Variants in ADAMTS12 observed in about 807,000 individuals in gnomAD.
ADAMTS12 encodes the protein ADAM metallopeptidase with thrombospondin type 1 motif 12.
ADAMTS12 carries 118 observed loss-of-function variants against 167.8 expected under a neutral mutation model. That is an observed-to-expected ratio of 0.70 (90% CI 0.61 to 0.82). ADAMTS12 has a LOEUF of 0.82. Among genes scored for constraint, ADAMTS12 ranks in the 40% least tolerant of loss-of-function variants. The pLI is 0.00. For missense variants in ADAMTS12, 1,916 were observed against 1,998.8 expected (o/e 0.96, Z 0.79); for synonymous variants, 704 against 716.9 (o/e 0.98, Z 0.29).
Position 33,600,622 on chromosome 5 carries a change from C to T in ADAMTS12, c.2528-4562G>A, listed in dbSNP as rs7705247. Among the ~76,000 whole-genome samples, 120 of 152,236 alleles carry T rather than the reference C, an allele frequency of 7.9e-4. 1 individual carries two copies. The highest frequency in any genetic ancestry group is 2.8e-3 in the African/African-American group (118 of 41,552). ...ACTTAAGACAGTGAACATTTAATTA[C>T]AGCATGTGAAAGTTTCAAGGCATTG... is the stretch of plus-strand genomic sequence containing the variant. On this transcript the variant is annotated intron_variant, in intron 16 of 23. Coordinates refer to ENST00000504830, the MANE Select transcript of ADAMTS12 (RefSeq NM_030955.4).
intron 11 of ADAMTS12, among the ~76,000 whole-genome samples, chr5:33,639,887 T>C (rs1740376472): frequency 6.6e-6 from 1 of 152,068 alleles, no homozygotes; most frequent in Non-Finnish European, 1.5e-5. Context: ...CATGAAAGAG[T>C]TTTGACCAAG....
chr5:33,684,067 A>G lies in ADAMTS12; in HGVS notation c.635-12T>C. 6.5e-7 allele frequency: 1 copy of G among 1,544,216 alleles called. No homozygotes were observed. Among genetic ancestry groups the G allele is most frequent in the Non-Finnish European group, 8.7e-7 (1 of 1,146,004 alleles). Reference sequence around the variant, plus strand: ...GATGTTAACACTGTCTAAACAGTAAACAGAAGACAATGGTCTAACACTGTA... The same window carrying G: ...GATGTTAACACTGTCTAAACAGTAAGCAGAAGACAATGGTCTAACACTGTA... On this transcript the variant is annotated splice_polypyrimidine_tract_variant and intron_variant, in intron 3 of 23. Transcript: ENST00000504830.
At chr5:33,822,046 T>C (rs1202240936) in intron 2 of ADAMTS12, among the ~76,000 whole-genome samples, 1 of 152,198 alleles carries the variant, frequency 6.6e-6, no homozygotes, top group Non-Finnish European at 1.5e-5. Context: ...TCCTCTATAA[T>C]ATTGTTTATG....
chr5:33,674,525 T>C (rs1741830186), intron 5 of ADAMTS12, among the ~76,000 whole-genome samples: 1 of 152,200 alleles, frequency 6.6e-6, no homozygotes, highest in South Asian at 2.1e-4. Flanking sequence ...ATAAAGGTGA[T>C]GGCTTCCTCT....
intron 2 of ADAMTS12, among the ~76,000 whole-genome samples, chr5:33,809,718 G>T (rs192670786): frequency 6.6e-6 from 1 of 152,152 alleles, no homozygotes; most frequent in Non-Finnish European, 1.5e-5. Context: ...GGGTTCTAGG[G>T]CAAAAAGAAA....
intron 19 of ADAMTS12, among the ~76,000 whole-genome samples, chr5:33,572,416 C>T (rs913220711): frequency 5.9e-5 from 9 of 151,888 alleles, no homozygotes; most frequent in African/African-American, 2.2e-4. Context: ...AAGTGGGCTT[C>T]ATCCCTGGGA....
At chr5:33,879,897 G>C (rs1028329758) in intron 2 of ADAMTS12, among the ~76,000 whole-genome samples, 1 of 152,224 alleles carries the variant, frequency 6.6e-6, no homozygotes, top group African/African-American at 2.4e-5. Context: ...TGGAACAAGT[G>C]CCTTTTGTAG....
At chr5:33,641,058 C>G (rs1258755295) in intron 11 of ADAMTS12, among the ~76,000 whole-genome samples, 1 of 151,752 alleles carries the variant, frequency 6.6e-6, no homozygotes, top group Non-Finnish European at 1.5e-5. Flanking sequence ...ATAATTTCCA[C>G]TTAAAGGAGA....
At chr5:33,880,280 A>T (rs1410196623) in intron 2 of ADAMTS12, among the ~76,000 whole-genome samples, 1 of 152,228 alleles carries the variant, frequency 6.6e-6, no homozygotes, top group Non-Finnish European at 1.5e-5. Flanking sequence ...AGTGCCTGGC[A>T]TATTCGAATA....
chr5:33,637,522 A>G, intron 12 of ADAMTS12, 55 bp downstream of exon 12: 1 of 1,542,552 alleles, frequency 6.5e-7, no homozygotes. Context: ...TGACATACAA[A>G]TGCTTTGAGA....
At position 33,619,624 on chromosome 5, in the gene ADAMTS12, TTTTGC is replaced by T. The variant is rs1176196769; in HGVS notation, c.2144-3557_2144-3553del. On this transcript the variant is annotated intron_variant, in intron 14 of 23. Coordinates refer to ENST00000504830, the MANE Select transcript of ADAMTS12 (RefSeq NM_030955.4). ...TCCAGCTTTAGGTCCCTCTCCTTCC[TTTTGC>T]TTTAAGTTGTCATATAATAACTTTG... 4.6e-5 allele frequency among the ~76,000 whole-genome samples: 7 copies of T among 152,202 alleles called. No homozygotes were observed. The South Asian group carries it at 8.3e-4, about 18-fold the overall frequency.
chr5:33,660,407 T>C (rs1741215590), intron 6 of ADAMTS12, among the ~76,000 whole-genome samples: 2 of 152,308 alleles, frequency 1.3e-5, no homozygotes, highest in East Asian at 3.9e-4. Flanking sequence ...CAACTACCAG[T>C]GTCCTTGTGG....
Position 33,812,469 on chromosome 5 carries a change from A to G in ADAMTS12, c.490-60921T>C, listed in dbSNP as rs1747497900. On this transcript the variant is annotated intron_variant, in intron 2 of 23. Coordinates refer to ENST00000504830, the MANE Select transcript of ADAMTS12 (RefSeq NM_030955.4). The stretch of plus-strand genomic sequence containing the variant: ...AGAACATACCAAGTTACTCACCTCA[A>G]GATCAAAAAGAGAATATTCTGTCCA... Among the ~76,000 whole-genome samples the G allele has an allele frequency of 2.0e-5, 3 of 152,358 alleles. No individual in the cohort carries two copies. In the South Asian group the frequency reaches 6.2e-4, roughly 32 times the overall value.
At chr5:33,643,957 C>T (rs925768323) in intron 9 of ADAMTS12, among the ~76,000 whole-genome samples, 2 of 152,226 alleles carry the variant, frequency 1.3e-5, no homozygotes, top group Non-Finnish European at 2.9e-5. Context: ...CAGCTGGTTT[C>T]AGTTTCCAGG....
chr5:33,740,161 T>C (rs1475053651), intron 3 of ADAMTS12, among the ~76,000 whole-genome samples: 1 of 152,194 alleles, frequency 6.6e-6, no homozygotes, highest in Admixed American at 6.5e-5. Flanking sequence ...TTCCAGTCCA[T>C]TTCTCTTTCA....
intron 22 of ADAMTS12, among the ~76,000 whole-genome samples, chr5:33,544,033 A>C (rs113741416): frequency 1.3e-5 from 2 of 152,348 alleles, no homozygotes; most frequent in African/African-American, 4.8e-5. Flanking sequence ...AAGAGAAAGA[A>C]CTAAAGTGTA....
chr5:33,614,637 G>A (rs115936992), intron 15 of ADAMTS12, among the ~76,000 whole-genome samples: 4,204 of 152,238 alleles, frequency 0.028, 212 homozygotes, highest in African/African-American at 0.097. Context: ...ATTCCCATGG[G>A]AATTTCAGTT....
At chr5:33,708,998 CA>C (rs1404545147) in intron 3 of ADAMTS12, among the ~76,000 whole-genome samples, 3 of 150,970 alleles carry the variant, frequency 2.0e-5, no homozygotes, top group Admixed American at 6.6e-5. Flanking sequence ...CAAAAACAAA[CA>C]AAAAAAGAAT....
intron 2 of ADAMTS12, among the ~76,000 whole-genome samples, chr5:33,861,520 T>G (rs537534118): frequency 6.6e-6 from 1 of 152,214 alleles, no homozygotes; most frequent in Admixed American, 6.5e-5. Flanking sequence ...ACACCCAGAT[T>G]CATAAAGCAA....
Sources: gnomAD v4.1 joint callset for allele counts (sites outside exome capture counted in the v4.1 genomes callset) on GRCh38, gnomAD v4.1.1 for gene constraint, MANE v1.5 for transcripts, NCBI Gene and HGNC (gene_info 2026-07-23, HGNC 2026-07-21) for gene names.